The following ADCY5 variants were observed in gnomAD, a reference collection of about 807,000 sequenced individuals.
ADCY5 encodes adenylate cyclase type 5.
Under a neutral mutation model 119.7 loss-of-function variants are expected in ADCY5, and 30 were observed. The ratio of observed to expected loss-of-function variants is 0.25; its 90% CI spans 0.19 to 0.34. The LOEUF (loss-of-function observed/expected upper bound fraction) is 0.34. Ranked by LOEUF, ADCY5 falls within the 10% of genes least tolerant of loss-of-function variation. The probability of loss-of-function intolerance (pLI) is 1.00; values close to 1 mark genes in which losing one functional copy is unlikely to be tolerated. For missense variants in ADCY5, 1,324 were observed against 1,775.2 expected (o/e 0.75, Z 4.57); for synonymous variants, 753 against 762.2 (o/e 0.99, Z 0.20).
At chr3:123,309,244 G>A (rs938353718) in intron 12 of ADCY5, among the ~76,000 whole-genome samples, 1 of 152,150 alleles carries the variant, frequency 6.6e-6, no homozygotes, top group Non-Finnish European at 1.5e-5. Flanking sequence ...TGGCAAAACA[G>A]TTTAAGAATA....
At chr3:123,444,353 C>A (rs984547433) in intron 1 of ADCY5, among the ~76,000 whole-genome samples, 2 of 151,960 alleles carry the variant, frequency 1.3e-5, no homozygotes, top group Non-Finnish European at 2.9e-5. Context: ...GAAAGCAGAG[C>A]CTGCAGGAAG....
At chr3:123,344,689 A>G (rs1258304860) in intron 3 of ADCY5, among the ~76,000 whole-genome samples, 1 of 152,128 alleles carries the variant, frequency 6.6e-6, no homozygotes, top group East Asian at 1.9e-4. Flanking sequence ...GTGTTTTTAA[A>G]CTATGATGTC....
chr3:123,313,928 C>T (rs1940734553), intron 12 of ADCY5, among the ~76,000 whole-genome samples: 2 of 152,218 alleles, frequency 1.3e-5, no homozygotes, highest in Admixed American at 6.5e-5. Context: ...ACTTGGTGCT[C>T]GGTGCCCTTC....
intron 4 of ADCY5, among the ~76,000 whole-genome samples, chr3:123,331,874 C>T (rs1559813523): frequency 6.6e-6 from 1 of 152,206 alleles, no homozygotes; most frequent in African/African-American, 2.4e-5. Flanking sequence ...CTGGCACTGG[C>T]ACTGACGGCA....
intron 1 of ADCY5, among the ~76,000 whole-genome samples, chr3:123,411,186 C>T (rs1290693079): frequency 2.6e-5 from 4 of 152,158 alleles, no homozygotes; most frequent in African/African-American, 9.7e-5. Context: ...ATTGCAGTTT[C>T]CCTGGGCCTC....
At chr3:123,408,379 C>T (rs1256417451) in intron 1 of ADCY5, among the ~76,000 whole-genome samples, 4 of 150,824 alleles carry the variant, frequency 2.7e-5, no homozygotes, top group Non-Finnish European at 5.9e-5. Context: ...AGACGTTGGC[C>T]GGGCACGGTG....
intron 3 of ADCY5, among the ~76,000 whole-genome samples, chr3:123,335,381 C>T (rs112439774): frequency 0.021 from 3,257 of 152,280 alleles, 60 homozygotes; most frequent in Admixed American, 0.034. Flanking sequence ...ATAAAACGTA[C>T]ATTTTAAAAC....
intron 11 of ADCY5, among the ~76,000 whole-genome samples, chr3:123,316,190 A>AC (rs144467700): frequency 0.021 from 3,202 of 151,500 alleles, 110 homozygotes; most frequent in African/African-American, 0.071. Context: ...CAAAATGTAG[A>AC]CCCCCCCCAA....
chr3:123,420,061 C>G (rs1005817078), intron 1 of ADCY5: 1 of 152,102 alleles, frequency 6.6e-6, no homozygotes, highest in African/African-American at 2.4e-5. Flanking sequence ...TGAAACTGAA[C>G]AAACCGTTCT....
chr3:123,447,117 T>C (rs760779012), intron 1 of ADCY5, among the ~76,000 whole-genome samples: 1 of 152,166 alleles, frequency 6.6e-6, no homozygotes, highest in Admixed American at 6.5e-5. Context: ...AAACACTCCT[T>C]ATAATTTTCT....
chr3:123,429,707 CAG>C (rs1209059997), intron 1 of ADCY5, among the ~76,000 whole-genome samples: 1 of 152,192 alleles, frequency 6.6e-6, no homozygotes, highest in African/African-American at 2.4e-5. Context: ...CAGGTGTAGT[CAG>C]GGGACAGCAG....
intron 1 of ADCY5, among the ~76,000 whole-genome samples, chr3:123,357,649 T>C (rs1443690751): frequency 6.6e-6 from 1 of 152,030 alleles, no homozygotes; most frequent in Non-Finnish European, 1.5e-5. Context: ...GCAAGGCTAT[T>C]GGAAAGGGGG....
chr3:123,390,256 C>T (rs915551457), intron 1 of ADCY5, among the ~76,000 whole-genome samples: 3 of 152,230 alleles, frequency 2.0e-5, no homozygotes, highest in Non-Finnish European at 4.4e-5. Flanking sequence ...GCTGGTCATA[C>T]CTGGATGCTG....
intron 1 of ADCY5, among the ~76,000 whole-genome samples, chr3:123,427,193 C>T (rs1397955032): frequency 6.6e-6 from 1 of 152,150 alleles, no homozygotes; most frequent in Non-Finnish European, 1.5e-5. Context: ...AGGGCAGCAG[C>T]CAGCATACCC....
chr3:123,323,195 C>T (rs1044336454), intron 8 of ADCY5, among the ~76,000 whole-genome samples: 1 of 152,194 alleles, frequency 6.6e-6, no homozygotes, highest in Non-Finnish European at 1.5e-5. Context: ...CTTCCACACT[C>T]CTTCCCCTCC....
chr3:123,308,250 G>A (rs545413824), intron 12 of ADCY5, among the ~76,000 whole-genome samples: 1 of 151,672 alleles, frequency 6.6e-6, no homozygotes, highest in East Asian at 2.0e-4. Flanking sequence ...TGTTAGCCAG[G>A]ATGGTCTTGA....
At chr3:123,407,872 T>G (rs1944941378) in intron 1 of ADCY5, among the ~76,000 whole-genome samples, 1 of 151,422 alleles carries the variant, frequency 6.6e-6, no homozygotes, top group South Asian at 2.1e-4. Flanking sequence ...CATACAGACA[T>G]TAAGCAGACT....
rs537544157 is a variant in ADCY5 at position 123,320,264 on chromosome 3, C to T, written c.2112-446G>A. Reference sequence around the variant, plus strand: ...CTGTGGCCCACCTGGTTTCTTTCACCCAGCTCAGGGCACTCTTGAGAAGCA... The same window carrying T: ...CTGTGGCCCACCTGGTTTCTTTCACTCAGCTCAGGGCACTCTTGAGAAGCA... On this transcript the variant is annotated intron_variant, in intron 9 of 20. Coordinates refer to ENST00000462833, the MANE Select transcript of ADCY5 (RefSeq NM_183357.3). 2.6e-5 allele frequency among the ~76,000 whole-genome samples: 4 copies of T among 152,298 alleles called. No homozygotes were observed. In the East Asian group the frequency reaches 5.8e-4, roughly 22 times the overall value.
chr3:123,325,073 G>A (rs1470282232), intron 8 of ADCY5, among the ~76,000 whole-genome samples: 5 of 152,242 alleles, frequency 3.3e-5, no homozygotes, highest in Admixed American at 3.3e-4. Flanking sequence ...CCAAGAGGGA[G>A]GGAGGAAGGG....
Sources: gnomAD v4.1 joint callset for allele counts (sites outside exome capture counted in the v4.1 genomes callset) on GRCh38, gnomAD v4.1.1 for gene constraint, MANE v1.5 for transcripts, NCBI Gene and HGNC (gene_info 2026-07-23, HGNC 2026-07-21) for gene names.